RNGTT: variants seen among roughly 807,000 people sequenced by gnomAD.
RNGTT encodes RNA guanylyltransferase and 5'-phosphatase.
RNGTT carries 33 observed loss-of-function variants against 79.3 expected under a neutral mutation model. The observed-to-expected ratio is 0.42, with a 90% CI of 0.32 to 0.56. The LOEUF (loss-of-function observed/expected upper bound fraction) is 0.56, where lower values mean the gene tolerates loss of function less well. Ranked by LOEUF, RNGTT falls within the 20% of genes least tolerant of loss-of-function variation. The pLI is 0.17. For missense variants in RNGTT, 497 were observed against 739.1 expected (o/e 0.67, Z 3.80); for synonymous variants, 222 against 235.9 (o/e 0.94, Z 0.54).
intron 13 of RNGTT, among the ~76,000 whole-genome samples, chr6:88,761,450 C>T (rs181514844): frequency 5.9e-5 from 9 of 152,026 alleles, no homozygotes; most frequent in African/African-American, 2.2e-4. Flanking sequence ...GAGATTGCAC[C>T]ACTGCACTCC....
At chr6:88,908,762 A>C (rs958527691) in intron 4 of RNGTT, among the ~76,000 whole-genome samples, 7 of 152,176 alleles carry the variant, frequency 4.6e-5, no homozygotes, top group Non-Finnish European at 1.0e-4. Flanking sequence ...TGCTATCTGC[A>C]GGGCGAAGAG....
At chr6:88,959,013 G>A (rs2077762130) in intron 1 of RNGTT, among the ~76,000 whole-genome samples, 1 of 152,152 alleles carries the variant, frequency 6.6e-6, no homozygotes, top group South Asian at 2.1e-4. Context: ...ATATACCATG[G>A]AATACTACTC....
chr6:88,861,325 C>T (rs1362661087), intron 8 of RNGTT, among the ~76,000 whole-genome samples: 1 of 152,088 alleles, frequency 6.6e-6, no homozygotes, highest in African/African-American at 2.4e-5. Flanking sequence ...CACCATGCCC[C>T]CTACTCACCA....
At chr6:88,733,646 G>A (rs760587690) in intron 13 of RNGTT, among the ~76,000 whole-genome samples, 3 of 151,358 alleles carry the variant, frequency 2.0e-5, no homozygotes, top group Non-Finnish European at 4.4e-5. Context: ...CTACACACAG[G>A]CACATTATAT....
intron 6 of RNGTT, among the ~76,000 whole-genome samples, chr6:88,904,233 C>T (rs947513826): frequency 6.6e-6 from 1 of 151,894 alleles, no homozygotes; most frequent in Non-Finnish European, 1.5e-5. Flanking sequence ...GAAAAATTTA[C>T]GTAACTGCAA....
chr6:88,963,327 G>A lies in RNGTT; in HGVS notation c.64+19C>T. ...CACGTTGGAGTGTGGGGATTCGAAC[G>A]CCCCCCAGTCCAGGTTACCTGCCAC... On this transcript the variant is annotated intron_variant, in intron 1 of 15. Transcript: ENST00000369485. 6.2e-7 allele frequency: 1 copy of A among 1,611,278 alleles called. No homozygotes were observed. Among genetic ancestry groups the A allele is most frequent in the Non-Finnish European group, 8.5e-7 (1 of 1,178,546 alleles).
At chr6:88,888,157 A>G (rs1264729645) in intron 8 of RNGTT, among the ~76,000 whole-genome samples, 4 of 152,114 alleles carry the variant, frequency 2.6e-5, no homozygotes, top group Non-Finnish European at 5.9e-5. Context: ...ACAGAAAAAA[A>G]AAAGAGTACC....
At chr6:88,748,153 G>T (rs1047292380) in intron 13 of RNGTT, among the ~76,000 whole-genome samples, 10 of 151,922 alleles carry the variant, frequency 6.6e-5, no homozygotes, top group Non-Finnish European at 1.3e-4. Flanking sequence ...ATCCAAGAGG[G>T]ATTCTCAAAG....
rs1345077883 is a variant in RNGTT, at chr6:88,913,210, A to AAAAC, written c.368-6774_368-6771dup. 2.3e-3 allele frequency among the ~76,000 whole-genome samples: 303 copies of AAAAC among 132,684 alleles called. 5 individuals are homozygous for AAAAC. The East Asian group carries it at 0.046, about 20-fold the overall frequency. 87.0% of individuals were successfully genotyped at this position (132,684 alleles called of 152,430 possible). ...GTAGAGTGAAGCTCTGTCTCAAAAA[A>AAAAC]AAACAAAAAAAAAAAACAAAAAAAA... On this transcript the variant is annotated intron_variant, in intron 4 of 15. Coordinates refer to ENST00000369485, the MANE Select transcript of RNGTT (RefSeq NM_003800.5).
At chr6:88,951,762 C>A (rs1404058920) in intron 1 of RNGTT, among the ~76,000 whole-genome samples, 2 of 152,178 alleles carry the variant, frequency 1.3e-5, no homozygotes, top group African/African-American at 4.8e-5. Flanking sequence ...GCCTTGTAGG[C>A]ACTCCCAGTC....
intron 14 of RNGTT, among the ~76,000 whole-genome samples, chr6:88,643,352 A>G (rs901048980): frequency 1.4e-4 from 21 of 152,222 alleles, no homozygotes; most frequent in African/African-American, 4.8e-4. Flanking sequence ...TACTGAATGT[A>G]TATTACTTTC....
chr6:88,723,126 G>A (rs1776760624), intron 13 of RNGTT, among the ~76,000 whole-genome samples: 1 of 152,160 alleles, frequency 6.6e-6, no homozygotes. Context: ...CCAGAACATG[G>A]CATTGTTATA....
chr6:88,923,054 T>C (rs956952632), intron 4 of RNGTT, among the ~76,000 whole-genome samples: 3 of 152,220 alleles, frequency 2.0e-5, no homozygotes, highest in African/African-American at 4.8e-5. Flanking sequence ...GATTCACTTT[T>C]AAGACTTTAG....
intron 4 of RNGTT, among the ~76,000 whole-genome samples, chr6:88,924,778 T>A (rs949636208): frequency 6.6e-6 from 1 of 150,470 alleles, no homozygotes; most frequent in Non-Finnish European, 1.5e-5. Context: ...CAAGCTGGAG[T>A]GCAGGTGTGA....
At chr6:88,907,601 A>T (rs961366362) in intron 4 of RNGTT, among the ~76,000 whole-genome samples, 1 of 152,202 alleles carries the variant, frequency 6.6e-6, no homozygotes, top group Non-Finnish European at 1.5e-5. Context: ...TTTATGTGAG[A>T]AGAGACGAAT....
chr6:88,672,272 T>C (rs1163418986), intron 14 of RNGTT, among the ~76,000 whole-genome samples: 10 of 151,118 alleles, frequency 6.6e-5, no homozygotes, highest in Admixed American at 2.6e-4. Context: ...CACATATATA[T>C]AAATGTATAC....
At chr6:88,766,510 G>A (rs887288845) in intron 13 of RNGTT, among the ~76,000 whole-genome samples, 2 of 151,978 alleles carry the variant, frequency 1.3e-5, no homozygotes, top group African/African-American at 4.8e-5. Flanking sequence ...ATATACAAAA[G>A]TTATATTAGG....
At chr6:88,862,669 G>A (rs1311315852) in intron 8 of RNGTT, among the ~76,000 whole-genome samples, 1 of 152,058 alleles carries the variant, frequency 6.6e-6, no homozygotes, top group East Asian at 1.9e-4. Flanking sequence ...TCTGAAGAGG[G>A]GGCAGTCTTG....
chr6:88,951,314 A>T (rs1311861639), intron 1 of RNGTT, among the ~76,000 whole-genome samples: 2 of 152,218 alleles, frequency 1.3e-5, no homozygotes, highest in African/African-American at 4.8e-5. Flanking sequence ...ATATTGCTGA[A>T]GTGACAACAA....
Sources: allele counts gnomAD v4.1 joint callset (sites outside exome capture counted in the v4.1 genomes callset), GRCh38; gene constraint gnomAD v4.1.1; transcripts MANE v1.5; gene names NCBI Gene and HGNC (gene_info 2026-07-23, HGNC 2026-07-21).